The following CERS6 variants were observed in gnomAD, a reference collection of about 807,000 sequenced individuals.
CERS6 encodes ceramide synthase 6, also known as LAG1 homolog, ceramide synthase 6.
Under a neutral mutation model 56.8 loss-of-function variants are expected in CERS6, and 26 were observed. The observed-to-expected ratio is 0.46, with a 90% CI of 0.34 to 0.63. The LOEUF (loss-of-function observed/expected upper bound fraction) is 0.63, where lower values mean the gene tolerates loss of function less well. CERS6 is among the 30% of genes least tolerant of loss of function. CERS6 has a pLI of 0.01. For missense variants in CERS6, 415 were observed against 467.5 expected (o/e 0.89, Z 1.04); for synonymous variants, 164 against 173.3 (o/e 0.95, Z 0.42).
chr2:168,498,570 G>A (rs900533611), intron 1 of CERS6, among the ~76,000 whole-genome samples: 3 of 152,214 alleles, frequency 2.0e-5, no homozygotes, highest in East Asian at 1.9e-4. Context: ...GTAGGCTAAC[G>A]TGTATGCAAC....
At position 168,677,487 on chromosome 2, in the gene CERS6, A is replaced by G. The variant is rs531998179; in HGVS notation, c.466-13547A>G. On this transcript the variant is annotated intron_variant, in intron 4 of 9. Coordinates refer to ENST00000305747, the MANE Select transcript of CERS6 (RefSeq NM_203463.3). ...AGTGCTGCGGTAAACATACATGTGC[A>G]TGTGTCTTCATTTTTTTTATTTTTT... 6.6e-5 allele frequency among the ~76,000 whole-genome samples: 10 copies of G among 151,884 alleles called. 1 individual carries two copies. The South Asian group carries it at 2.1e-3, about 32-fold the overall frequency.
chr2:168,684,283 C>T (rs929709717), intron 4 of CERS6, among the ~76,000 whole-genome samples: 7 of 152,146 alleles, frequency 4.6e-5, no homozygotes, highest in African/African-American at 1.2e-4. Context: ...GATTTATAGT[C>T]ACATGTCTAC....
At chr2:168,739,128 C>A (rs1002797637) in intron 8 of CERS6, among the ~76,000 whole-genome samples, 3 of 125,870 alleles carry the variant, frequency 2.4e-5, no homozygotes, top group Admixed American at 1.0e-4. Flanking sequence ...AGGCTGGTCT[C>A]AAATTCCTGA....
At chr2:168,750,608 A>G (rs112182085) in intron 8 of CERS6, among the ~76,000 whole-genome samples, 76 of 152,350 alleles carry the variant, frequency 5.0e-4, no homozygotes, top group Admixed American at 1.4e-3. Flanking sequence ...TTGGCTACAG[A>G]GTATCTACCA....
intron 3 of CERS6, among the ~76,000 whole-genome samples, chr2:168,565,226 AT>A (rs1257229879): frequency 2.6e-5 from 4 of 152,232 alleles, no homozygotes; most frequent in African/African-American, 9.6e-5. Context: ...ACTTACCTAT[AT>A]AAAAAAAGAT....
chr2:168,742,101 T>C (rs1356361000), intron 8 of CERS6, among the ~76,000 whole-genome samples: 2 of 152,196 alleles, frequency 1.3e-5, no homozygotes, highest in South Asian at 4.1e-4. Flanking sequence ...AACATTTCAT[T>C]GGTGTTGCAG....
At chr2:168,549,176 T>G (rs79675991) in intron 2 of CERS6, among the ~76,000 whole-genome samples, 51 of 148,146 alleles carry the variant, frequency 3.4e-4, no homozygotes, top group Non-Finnish European at 6.4e-4. Flanking sequence ...AAATGAGGTG[T>G]TTTTTTTTTA....
At chr2:168,681,601 C>T (rs901846087) in intron 4 of CERS6, among the ~76,000 whole-genome samples, 2 of 152,116 alleles carry the variant, frequency 1.3e-5, no homozygotes, top group Middle Eastern at 6.8e-3. Flanking sequence ...GGTAATTAGC[C>T]ATCTATCACC....
At chr2:168,474,751 C>T (rs539058158) in intron 1 of CERS6, among the ~76,000 whole-genome samples, 1 of 152,130 alleles carries the variant, frequency 6.6e-6, no homozygotes, top group Non-Finnish European at 1.5e-5. Flanking sequence ...ATTTAACAAA[C>T]ATATTTCACC....
intron 1 of CERS6, among the ~76,000 whole-genome samples, chr2:168,524,007 C>T (rs1247523963): frequency 6.6e-6 from 1 of 152,188 alleles, no homozygotes; most frequent in Non-Finnish European, 1.5e-5. Context: ...GATGCTCCTG[C>T]AAATAGACTT....
intron 6 of CERS6, among the ~76,000 whole-genome samples, chr2:168,712,760 A>T (rs936800235): frequency 6.6e-6 from 1 of 152,188 alleles, no homozygotes; most frequent in Admixed American, 6.5e-5. Context: ...TTCCTTGAAC[A>T]CATCAGGATA....
rs185190400 is a variant in CERS6, at chr2:168,610,221, C to T, written c.408-20764C>T. 7.9e-3 allele frequency among the ~76,000 whole-genome samples: 1,210 copies of T among 152,222 alleles called. 9 individuals carry two copies. The highest frequency in any genetic ancestry group is 0.011 in the South Asian group (54 of 4,820). On this transcript the variant is annotated intron_variant, in intron 3 of 9. Coordinates refer to ENST00000305747, the MANE Select transcript of CERS6 (RefSeq NM_203463.3). ...CTCGATCTCCTGACCTCATGATCCA[C>T]CCACCTCGGCCTCCCAAAGTGCTGG...
At chr2:168,751,091 AC>A (rs1684254787) in intron 8 of CERS6, among the ~76,000 whole-genome samples, 1 of 152,336 alleles carries the variant, frequency 6.6e-6, no homozygotes, top group East Asian at 1.9e-4. Context: ...GATAGCAGTG[AC>A]TTTGATCAAA....
chr2:168,719,940 A>T (rs559399245), intron 8 of CERS6, among the ~76,000 whole-genome samples: 81 of 146,590 alleles, frequency 5.5e-4, no homozygotes, highest in African/African-American at 2.0e-3. Flanking sequence ...TCAAAATAGT[A>T]TTTTTTTTTT....
At chr2:168,670,966 T>TTCCCCCC (rs1685893976) in intron 4 of CERS6, among the ~76,000 whole-genome samples, 4 of 30,518 alleles carry the variant, frequency 1.3e-4, no homozygotes, top group Non-Finnish European at 2.6e-4. Flanking sequence ...GATACATGCT[T>TTCCCCCC]CCCCCCCCCC....
chr2:168,763,914 A>G (rs1426141209), intron 8 of CERS6, among the ~76,000 whole-genome samples: 1 of 152,196 alleles, frequency 6.6e-6, no homozygotes, highest in African/African-American at 2.4e-5. Context: ...TGGCAGCAGT[A>G]TGAGTCCAGA....
chr2:168,719,940 ATT>A (rs879363924), intron 8 of CERS6, among the ~76,000 whole-genome samples: 1 of 146,566 alleles, frequency 6.8e-6, no homozygotes, highest in African/African-American at 2.5e-5. Flanking sequence ...TCAAAATAGT[ATT>A]TTTTTTTTTT....
chr2:168,684,778 A>T (rs1322330584), intron 4 of CERS6, among the ~76,000 whole-genome samples: 2 of 152,224 alleles, frequency 1.3e-5, no homozygotes, highest in Non-Finnish European at 2.9e-5. Flanking sequence ...ACAAAGAAAC[A>T]TGCTAAGCAT....
chr2:168,676,418 T>C (rs1488916633), intron 4 of CERS6, among the ~76,000 whole-genome samples: 1 of 152,216 alleles, frequency 6.6e-6, no homozygotes, highest in Non-Finnish European at 1.5e-5. Flanking sequence ...TATGGAATAT[T>C]AAAAACCCAC....
Sources: gnomAD v4.1 joint callset for allele counts (sites outside exome capture counted in the v4.1 genomes callset) on GRCh38, gnomAD v4.1.1 for gene constraint, MANE v1.5 for transcripts, NCBI Gene and HGNC (gene_info 2026-07-23, HGNC 2026-07-21) for gene names.